The following ESRRB variants were observed in gnomAD, a reference collection of about 807,000 sequenced individuals.
ESRRB encodes estrogen related receptor beta.
In ESRRB, 16 loss-of-function variants were observed where a neutral mutation model predicts 46.0. The observed-to-expected ratio is 0.35, with a 90% CI of 0.24 to 0.53. ESRRB has a LOEUF of 0.53. ESRRB is among the 20% of genes least tolerant of loss of function. The pLI is 0.93. For missense variants in ESRRB, 488 were observed against 607.4 expected, an observed-to-expected ratio of 0.80 and a Z score of 2.07; for synonymous variants, 246 against 259.6, an observed-to-expected ratio of 0.95 and a Z score of 0.50.
chr14:76,333,488 A>T (rs1884088953), intron 1 of ESRRB, among the ~76,000 whole-genome samples: 2 of 124,718 alleles, frequency 1.6e-5, no homozygotes, highest in Non-Finnish European at 3.1e-5. Flanking sequence ...AATATATATT[A>T]TATATATTTT....
Position 76,498,375 on chromosome 14 carries a change from G to A in ESRRB, c.1282G>A (p.Val428Met), listed in dbSNP as rs765852928. 36 of 1,613,044 alleles carry A rather than the reference G, an allele frequency of 2.2e-5. No individual in the cohort carries two copies. The highest frequency in any genetic ancestry group is 5.3e-5 in the African/African-American group (4 of 74,940). The change falls in exon 7 of 7, where the codon GTG becomes ATG. Residue 428 changes from valine to methionine, a missense_variant. By Grantham distance (21) the Val-to-Met change is conservative. Coordinates refer to ENST00000644823, the MANE Select transcript of ESRRB (RefSeq NM_001379180.1). ...PLLRQTAAKA[V>M]QHFYSVKLQG... ...GCTGCGGCAGACGGCCGCCAAGGCCGTGCAGCACTTCTATAGCGTCAAACT... is the reference window on the plus strand; with the variant it reads ...GCTGCGGCAGACGGCCGCCAAGGCCATGCAGCACTTCTATAGCGTCAAACT...
intron 3 of ESRRB, among the ~76,000 whole-genome samples, chr14:76,481,433 T>G (rs1315037972): frequency 6.6e-6 from 1 of 152,204 alleles, no homozygotes; most frequent in Non-Finnish European, 1.5e-5. Context: ...TTCCAGGCAC[T>G]GATTTTCCAG....
At chr14:76,385,205 T>C (rs1384398567) in intron 1 of ESRRB, among the ~76,000 whole-genome samples, 2 of 133,078 alleles carry the variant, frequency 1.5e-5, no homozygotes, top group Admixed American at 8.2e-5. Flanking sequence ...ATAGTTTCTT[T>C]TCCTCAGGAA....
intron 1 of ESRRB, 85 bp from the exon 2 acceptor site, chr14:76,439,256 C>G (rs1887805475): frequency 4.0e-6 from 6 of 1,493,786 alleles, no homozygotes; most frequent in Non-Finnish European, 4.7e-6. Context: ...TAGAGCCCTT[C>G]CCAGCCACCC....
intron 6 of ESRRB, among the ~76,000 whole-genome samples, chr14:76,494,495 C>T (rs1364557298): frequency 1.3e-5 from 2 of 152,038 alleles, no homozygotes; most frequent in African/African-American, 4.8e-5. Context: ...TTAGTAGAGA[C>T]ATGGTTTCAC....
upstream of ESRRB, among the ~76,000 whole-genome samples, chr14:76,371,763 T>G (rs887153856): frequency 2.0e-5 from 3 of 152,220 alleles, no homozygotes; most frequent in Non-Finnish European, 4.4e-5. Context: ...GCCTGTTGGG[T>G]CTTGTCTTTT....
chr14:76,386,502 T>C (rs552534077), intron 1 of ESRRB, among the ~76,000 whole-genome samples: 154 of 148,324 alleles, frequency 1.0e-3, no homozygotes, highest in South Asian at 6.4e-3. Context: ...TGTCACCCAG[T>C]CTGGAGTGCA....
upstream of ESRRB, among the ~76,000 whole-genome samples, chr14:76,367,904 C>T (rs1316522156): frequency 1.3e-5 from 2 of 151,856 alleles, no homozygotes; most frequent in African/African-American, 4.8e-5. Flanking sequence ...CCTTTGTCCC[C>T]CTCCACCTTT....
intron 1 of ESRRB, among the ~76,000 whole-genome samples, chr14:76,392,918 A>G (rs1377068935): frequency 6.6e-6 from 1 of 152,206 alleles, no homozygotes; most frequent in African/African-American, 2.4e-5. Flanking sequence ...TTCACAGAGA[A>G]GAGCCACTTG....
At chr14:76,385,324 T>C (rs1258158573) in intron 1 of ESRRB, among the ~76,000 whole-genome samples, 1 of 152,196 alleles carries the variant, frequency 6.6e-6, no homozygotes, top group Non-Finnish European at 1.5e-5. Context: ...AGACTCTGGC[T>C]GTGCTGCTTA....
At chr14:76,462,256 T>C (rs757084098) in intron 2 of ESRRB, among the ~76,000 whole-genome samples, 2 of 152,118 alleles carry the variant, frequency 1.3e-5, no homozygotes, top group African/African-American at 2.4e-5. Context: ...AAGGCCAGCT[T>C]AGTGAGTTTT....
intron 5 of ESRRB, among the ~76,000 whole-genome samples, chr14:76,484,615 C>T (rs1889932743): frequency 1.3e-5 from 2 of 152,222 alleles, no homozygotes; most frequent in South Asian, 2.1e-4. Flanking sequence ...ACAACCCCAC[C>T]CCTGCAACAC....
Position 76,376,674 on chromosome 14 carries a change from C to A in ESRRB, c.50+223C>A, listed in dbSNP as rs1004188141. ...CCGCACCCCCTTTTACAAATCCACA[C>A]TTTCAGGCAAGAGTGGCGCTTTCTC... is the stretch of plus-strand genomic sequence containing the variant. On this transcript the variant is annotated intron_variant, in intron 1 of 6. Coordinates refer to ENST00000644823, the MANE Select transcript of ESRRB (RefSeq NM_001379180.1). The surrounding 1 kb of genome is among the most constrained non-coding windows in gnomAD (Gnocchi z 4.1). Among the ~76,000 whole-genome samples, 7 of 152,200 alleles carry A rather than the reference C, an allele frequency of 4.6e-5. No homozygotes were observed. The highest frequency in any genetic ancestry group is 2.1e-4 in the South Asian group (1 of 4,836).
intron 2 of ESRRB, among the ~76,000 whole-genome samples, chr14:76,459,236 T>C (rs940586640): frequency 2.6e-5 from 4 of 152,054 alleles, no homozygotes; most frequent in Non-Finnish European, 4.4e-5. Context: ...CTGTGGCTGC[T>C]CCCTGACAAG....
intron 2 of ESRRB, among the ~76,000 whole-genome samples, chr14:76,443,165 T>TA (rs879816660): frequency 6.6e-6 from 1 of 152,042 alleles, no homozygotes; most frequent in Admixed American, 6.6e-5. Flanking sequence ...ATAAACATGA[T>TA]AAAAAAAATT....
chr14:76,464,947 C>T (rs564335373), intron 3 of ESRRB, among the ~76,000 whole-genome samples: 2 of 152,186 alleles, frequency 1.3e-5, no homozygotes, highest in South Asian at 4.2e-4. Flanking sequence ...TCATTCATTC[C>T]TCTTAAGCCC....
intron 1 of ESRRB, among the ~76,000 whole-genome samples, chr14:76,414,773 G>C (rs1233753183): frequency 6.6e-6 from 1 of 150,834 alleles, no homozygotes; most frequent in Non-Finnish European, 1.5e-5. Flanking sequence ...CTCCTCCTCC[G>C]GTGCCTTTTC....
chr14:76,459,395 C>T (rs1289265728), intron 2 of ESRRB, among the ~76,000 whole-genome samples: 2 of 152,148 alleles, frequency 1.3e-5, no homozygotes, highest in African/African-American at 2.4e-5. Context: ...GAAGGAGCGC[C>T]TCCCCATGTG....
At chr14:76,457,503 C>A (rs879135604) in intron 2 of ESRRB, among the ~76,000 whole-genome samples, 3 of 151,102 alleles carry the variant, frequency 2.0e-5, no homozygotes, top group Admixed American at 2.0e-4. Context: ...TTATGCATGG[C>A]CCAAGACAAT....
Sources: allele counts gnomAD v4.1 joint callset (sites outside exome capture counted in the v4.1 genomes callset), GRCh38; gene constraint gnomAD v4.1.1; non-coding constraint Gnocchi (gnomAD v3.1); transcripts MANE v1.5; gene names NCBI Gene and HGNC (gene_info 2026-07-23, HGNC 2026-07-21).